Variants in KCNH5 observed in about 807,000 individuals in gnomAD.
KCNH5 encodes voltage-gated delayed rectifier potassium channel KCNH5.
In KCNH5, 46 loss-of-function variants were observed where a neutral mutation model predicts 96.1. That is an observed-to-expected ratio of 0.48 (90% CI 0.38 to 0.61). The LOEUF (loss-of-function observed/expected upper bound fraction) is 0.61. KCNH5 is among the 20% of genes least tolerant of loss of function. The probability of loss-of-function intolerance (pLI) is 0.00; values close to 1 mark genes in which losing one functional copy is unlikely to be tolerated. For synonymous variants in KCNH5, 439 were observed against 449.8 expected (o/e 0.98, Z 0.30); for missense variants, 907 against 1,225.8 (o/e 0.74, Z 3.88).
chr14:63,013,440 GC>G, intron 2 of KCNH5, among the ~76,000 whole-genome samples: 1 of 152,076 alleles, frequency 6.6e-6, no homozygotes. Context: ...ATAATGATAA[GC>G]AAAATTTTTA....
intron 7 of KCNH5, among the ~76,000 whole-genome samples, chr14:62,915,680 G>A (rs1329935989): frequency 6.6e-6 from 1 of 152,070 alleles, no homozygotes; most frequent in Admixed American, 6.5e-5. Flanking sequence ...ATTTATAAAA[G>A]CTATTTATGA....
chr14:62,996,337 G>T (rs965632906), intron 4 of KCNH5, among the ~76,000 whole-genome samples: 3 of 152,114 alleles, frequency 2.0e-5, no homozygotes, highest in African/African-American at 7.2e-5. Flanking sequence ...AATCTGCTAT[G>T]TGTTTGGAAG....
chr14:62,880,727 A>C (rs1180238732), intron 7 of KCNH5, among the ~76,000 whole-genome samples: 1 of 152,238 alleles, frequency 6.6e-6, no homozygotes. Context: ...TATCATGATT[A>C]GTGGCAAATT....
chr14:62,885,976 C>T (rs1888587356), intron 7 of KCNH5, among the ~76,000 whole-genome samples: 1 of 152,080 alleles, frequency 6.6e-6, no homozygotes, highest in South Asian at 2.1e-4. Context: ...GCCCCAAATC[C>T]CATAGCACTT....
intron 4 of KCNH5, among the ~76,000 whole-genome samples, chr14:62,994,347 T>C (rs1303581674): frequency 6.6e-6 from 1 of 152,100 alleles, no homozygotes; most frequent in Admixed American, 6.6e-5. Context: ...ACTGTAATTA[T>C]CTTGGCAGTT....
intron 4 of KCNH5, among the ~76,000 whole-genome samples, chr14:62,989,211 C>A (rs1298686420): frequency 1.3e-5 from 2 of 151,944 alleles, no homozygotes; most frequent in African/African-American, 4.8e-5. Context: ...AAACACATGC[C>A]TTTTACCCTA....
chr14:63,040,749 C>A (rs886393626), intron 1 of KCNH5, among the ~76,000 whole-genome samples: 2 of 151,952 alleles, frequency 1.3e-5, no homozygotes, highest in African/African-American at 4.8e-5. Flanking sequence ...TCTTTTAAGA[C>A]CTCAGTTTGT....
chr14:63,006,868 G>A (rs116714947), intron 2 of KCNH5, among the ~76,000 whole-genome samples: 2,285 of 152,244 alleles, frequency 0.015, 57 homozygotes, highest in African/African-American at 0.05. Context: ...GAAACAGCAC[G>A]GCTGTTACTC....
intron 10 of KCNH5, among the ~76,000 whole-genome samples, chr14:62,766,556 T>G (rs1885864945): frequency 6.6e-6 from 1 of 152,244 alleles, no homozygotes; most frequent in South Asian, 2.1e-4. Flanking sequence ...GATCATTATG[T>G]TAAATGAAGC....
At chr14:62,941,352 A>T (rs1889786073) in intron 7 of KCNH5, among the ~76,000 whole-genome samples, 1 of 152,176 alleles carries the variant, frequency 6.6e-6, no homozygotes. Flanking sequence ...AAAAGACACA[A>T]GCCCTAGTTG....
At chr14:62,896,882 A>G (rs1888824255) in intron 7 of KCNH5, among the ~76,000 whole-genome samples, 1 of 152,190 alleles carries the variant, frequency 6.6e-6, no homozygotes, top group African/African-American at 2.4e-5. Flanking sequence ...TCAACTTCCA[A>G]TATTTTCAAC....
intron 8 of KCNH5, among the ~76,000 whole-genome samples, chr14:62,828,969 C>T (rs764481855): frequency 6.6e-5 from 10 of 152,286 alleles, no homozygotes; most frequent in Non-Finnish European, 1.2e-4. Flanking sequence ...AATGCTCCCA[C>T]TCCAAAAAGG....
At chr14:63,000,168 T>C (rs1303750166) in intron 4 of KCNH5, among the ~76,000 whole-genome samples, 1 of 152,210 alleles carries the variant, frequency 6.6e-6, no homozygotes, top group East Asian at 1.9e-4. Context: ...AAACTTACTG[T>C]GATTTTTTCT....
chr14:63,007,152 G>A (rs139896916), intron 2 of KCNH5, among the ~76,000 whole-genome samples: 16 of 152,122 alleles, frequency 1.1e-4, no homozygotes, highest in Non-Finnish European at 2.1e-4. Flanking sequence ...TAGTGAAGGT[G>A]AGCTCATCCA....
intron 10 of KCNH5, among the ~76,000 whole-genome samples, chr14:62,779,164 G>A (rs1204683201): frequency 6.6e-6 from 1 of 152,144 alleles, no homozygotes; most frequent in South Asian, 2.1e-4. Flanking sequence ...CACACTCATT[G>A]GCTACAAAAT....
chr14:62,922,146 T>C (rs557297870), intron 7 of KCNH5, among the ~76,000 whole-genome samples: 2 of 152,206 alleles, frequency 1.3e-5, no homozygotes, highest in African/African-American at 4.8e-5. Context: ...GGGGTCTTCC[T>C]TTGTAATCCC....
At chr14:62,908,898 G>A (rs1395390739) in intron 7 of KCNH5, among the ~76,000 whole-genome samples, 1 of 148,610 alleles carries the variant, frequency 6.7e-6, no homozygotes, top group South Asian at 2.1e-4. Flanking sequence ...GGGTGGTCTG[G>A]GGGATGCTGA....
At chr14:63,016,509 C>T (rs10143651) in intron 2 of KCNH5, among the ~76,000 whole-genome samples, 7,194 of 152,118 alleles carry the variant, frequency 0.047, 198 homozygotes, top group East Asian at 0.062. Flanking sequence ...AGATCACATG[C>T]CACAAGTTGT....
In KCNH5 at chr14:62,714,245, T is replaced by C. The variant is rs182342207; in HGVS notation, c.2020-5790A>G. Among the ~76,000 whole-genome samples the C allele has an allele frequency of 5.1e-4, 78 of 152,284 alleles. 1 individual carries two copies. The highest frequency in any genetic ancestry group is 1.8e-3 in the African/African-American group (74 of 41,566). Reference sequence around the variant, plus strand: ...CTGAGGTTCCAGTAAGCTAAGATCATGCCATTGCATGTCAGCCTGGGTCTC... The same window carrying C: ...CTGAGGTTCCAGTAAGCTAAGATCACGCCATTGCATGTCAGCCTGGGTCTC... On this transcript the variant is annotated intron_variant, in intron 10 of 10. Coordinates refer to ENST00000322893, the MANE Select transcript of KCNH5 (RefSeq NM_139318.5).
Sources: gnomAD v4.1 joint callset for allele counts (sites outside exome capture counted in the v4.1 genomes callset) on GRCh38, gnomAD v4.1.1 for gene constraint, MANE v1.5 for transcripts, NCBI Gene and HGNC (gene_info 2026-07-23, HGNC 2026-07-21) for gene names.